SLC13A3: variants seen among roughly 807,000 people sequenced by gnomAD.
SLC13A3 encodes the protein Na(+)/dicarboxylate cotransporter 3.
A neutral mutation model predicts 59.0 loss-of-function variants in SLC13A3; 40 were observed. That is an observed-to-expected ratio of 0.68 (90% CI 0.53 to 0.88). The LOEUF is 0.88. Among genes scored for constraint, SLC13A3 ranks in the 40% least tolerant of loss-of-function variants. SLC13A3 has a pLI of 0.00. For missense variants in SLC13A3, 699 were observed against 783.2 expected (o/e 0.89, Z 1.28); for synonymous variants, 317 against 330.3 (o/e 0.96, Z 0.44).
At chr20:46,650,119 C>T (rs2062937756) in intron 1 of SLC13A3, among the ~76,000 whole-genome samples, 1 of 152,300 alleles carries the variant, frequency 6.6e-6, no homozygotes, top group East Asian at 1.9e-4. Flanking sequence ...CTGGGCTGGG[C>T]AGGGCACAGG....
chr20:46,676,190 C>T (rs1199624167), intron 1 of SLC13A3: 1 of 152,162 alleles, frequency 6.6e-6, no homozygotes, highest in South Asian at 2.1e-4. Flanking sequence ...ATTACAGACA[C>T]AAGCCACCAC....
At chr20:46,670,812 C>T (rs944232239), upstream of SLC13A3, among the ~76,000 whole-genome samples, 1 of 151,982 alleles carries the variant, frequency 6.6e-6, no homozygotes, top group African/African-American at 2.4e-5. Flanking sequence ...AATACAGAAA[C>T]CAACATGAAC....
At chr20:46,669,037 G>A (rs1322532266) in intron 1 of SLC13A3, among the ~76,000 whole-genome samples, 1 of 152,214 alleles carries the variant, frequency 6.6e-6, no homozygotes, top group Non-Finnish European at 1.5e-5. Flanking sequence ...TAAGGAAACT[G>A]AGACTCAGAG....
At chr20:46,620,942 G>A (rs958223970) in intron 1 of SLC13A3, among the ~76,000 whole-genome samples, 1 of 152,176 alleles carries the variant, frequency 6.6e-6, no homozygotes, top group African/African-American at 2.4e-5. Flanking sequence ...AACAGGAGAT[G>A]AAACATGGCT....
intron 1 of SLC13A3, among the ~76,000 whole-genome samples, chr20:46,666,908 C>T (rs2063065544): frequency 6.6e-6 from 1 of 151,966 alleles, no homozygotes; most frequent in Non-Finnish European, 1.5e-5. Context: ...AGAAAAATGC[C>T]AAGTAACTTG....
chr20:46,651,320 G>C lies in SLC13A3; in HGVS notation c.102C>G (p.Leu34=), dbSNP rs1300453788. 7.3e-6 allele frequency: 11 copies of C among 1,511,216 alleles called. No homozygotes were observed. Among genetic ancestry groups the C allele is most frequent in the African/African-American group, 1.4e-5 (1 of 69,620 alleles). 93.6% of individuals were successfully genotyped at this position (1,511,216 alleles called of 1,614,324 possible). Residue 34 remains leucine (L), a synonymous_variant, in exon 1 of 13, where the codon CTC becomes CTG. Coordinates refer to ENST00000279027, the MANE Select transcript of SLC13A3 (RefSeq NM_022829.6). ...PLALLPVVFA[L]PPKEGRCLFV... ...GCGGAGGAGGCGTTACCTTGGGCGG[G>C]AGGGCGAAGACCACCGGCAGCAGCG...
At chr20:46,652,547 A>ATTTTTTTTTTTTT (rs11471373), upstream of SLC13A3, among the ~76,000 whole-genome samples, 15 of 117,792 alleles carry the variant, frequency 1.3e-4, no homozygotes, top group African/African-American at 4.3e-4. Flanking sequence ...TATCTGGCTA[A>ATTTTTTTTTTTTT]TTTTTTTTTT....
intron 3 of SLC13A3, 106 bp from the exon 4 acceptor site, chr20:46,600,143 A>G (rs2062357842): frequency 1.7e-6 from 1 of 573,178 alleles, no homozygotes; most frequent in African/African-American, 2.0e-5. Context: ...CAAGGATCCT[A>G]TACTACTCAC....
At chr20:46,656,301 A>G (rs951436833), upstream of SLC13A3, among the ~76,000 whole-genome samples, 8 of 69,730 alleles carry the variant, frequency 1.1e-4, no homozygotes, top group East Asian at 1.2e-3. Context: ...ATAATATACT[A>G]TACAGTATAT....
At chr20:46,596,094 T>G in intron 5 of SLC13A3, 63 bp downstream of exon 5, 2 of 1,466,100 alleles carry the variant, frequency 1.4e-6, no homozygotes, top group South Asian at 2.5e-5. Context: ...GGATGTTGAA[T>G]GAAGGAGGGA....
At chr20:46,581,072 T>TCTG (rs1270589831) in intron 9 of SLC13A3, among the ~76,000 whole-genome samples, 2 of 152,214 alleles carry the variant, frequency 1.3e-5, no homozygotes, top group Non-Finnish European at 2.9e-5. Context: ...AAGCAGAACC[T>TCTG]CTGCTGCTGC....
In SLC13A3 at chr20:46,651,431, CG is replaced by C; in HGVS notation, c.-11del. The stretch of plus-strand genomic sequence containing the variant: ...CTGCCAGCGCCGCCATCAGCGCGAT[CG>C]CCTGGCGGTACGGGCCGGCCCGGGA... On this transcript the variant is annotated 5_prime_UTR_variant, in exon 1 of 13. Coordinates refer to ENST00000279027, the MANE Select transcript of SLC13A3 (RefSeq NM_022829.6). 1 of 1,475,274 alleles carries C rather than the reference CG, an allele frequency of 6.8e-7. No homozygotes were observed. The highest frequency in any genetic ancestry group is 8.9e-7 in the Non-Finnish European group (1 of 1,120,034). 91.4% of individuals were successfully genotyped at this position (1,475,274 alleles called of 1,614,324 possible).
rs557077393 is a variant in SLC13A3, at chr20:46,570,874, G to A, written c.1333-4484C>T. On this transcript the variant is annotated intron_variant, in intron 10 of 12. Coordinates refer to ENST00000279027, the MANE Select transcript of SLC13A3 (RefSeq NM_022829.6). ...GTCATGTCATTAGGCTTGTCTGTCC[G>A]ATAAAATGAGGGTAATAATAATTGT... Among the ~76,000 whole-genome samples the A allele has an allele frequency of 6.6e-5, 10 of 152,218 alleles. No individual in the cohort carries two copies. The South Asian group carries it at 1.9e-3, about 28-fold the overall frequency.
chr20:46,567,064 T>G (rs2061987452), intron 10 of SLC13A3, among the ~76,000 whole-genome samples: 2 of 151,836 alleles, frequency 1.3e-5, no homozygotes, highest in Admixed American at 1.3e-4. Flanking sequence ...ATCACATGTG[T>G]GCCTGTAATC....
At chr20:46,678,420 G>T (rs891931008) in intron 1 of SLC13A3, among the ~76,000 whole-genome samples, 7 of 152,196 alleles carry the variant, frequency 4.6e-5, no homozygotes, top group Admixed American at 2.0e-4. Context: ...CTTTGGAGAC[G>T]TTTACCTGTG....
chr20:46,670,358 A>G (rs1195501828), upstream of SLC13A3, among the ~76,000 whole-genome samples: 1 of 152,128 alleles, frequency 6.6e-6, no homozygotes, highest in Non-Finnish European at 1.5e-5. Flanking sequence ...CAGGAAGTGT[A>G]AGGGATGTAT....
chr20:46,679,443 T>C (rs545440205), intron 1 of SLC13A3, among the ~76,000 whole-genome samples: 1 of 151,958 alleles, frequency 6.6e-6, no homozygotes, highest in Non-Finnish European at 1.5e-5. Context: ...TGAAACCCCG[T>C]CTCTACTAAA....
At chr20:46,590,490 T>C (rs1308345205) in intron 6 of SLC13A3, among the ~76,000 whole-genome samples, 1 of 152,166 alleles carries the variant, frequency 6.6e-6, no homozygotes, top group Admixed American at 6.5e-5. Flanking sequence ...AAAACCCATT[T>C]GAAAAAAATG....
intron 4 of SLC13A3, among the ~76,000 whole-genome samples, chr20:46,598,886 C>T (rs954754160): frequency 6.6e-6 from 1 of 152,032 alleles, no homozygotes; most frequent in African/African-American, 2.4e-5. Flanking sequence ...CCTGGCTGTT[C>T]TTTGACCTCT....
Sources: gnomAD v4.1 joint callset for allele counts (sites outside exome capture counted in the v4.1 genomes callset) on GRCh38, gnomAD v4.1.1 for gene constraint, MANE v1.5 for transcripts, NCBI Gene and HGNC (gene_info 2026-07-23, HGNC 2026-07-21) for gene names.